Variants in ARHGAP15 observed in about 807,000 individuals in gnomAD.
ARHGAP15 encodes the protein rho GTPase-activating protein 15.
Under a neutral mutation model 63.7 loss-of-function variants are expected in ARHGAP15, and 51 were observed. The ratio of observed to expected loss-of-function variants is 0.80; its 90% CI spans 0.64 to 1.01. The LOEUF is 1.01. Among genes scored for constraint, ARHGAP15 ranks in the 50% least tolerant of loss-of-function variants. The pLI, the probability that ARHGAP15 is intolerant of heterozygous loss-of-function variation, is 0.00. For synonymous variants in ARHGAP15, 191 were observed against 193.8 expected (o/e 0.99, Z 0.12); for missense variants, 560 against 564.6 (o/e 0.99, Z 0.08).
chr2:143,362,044 T>G (rs890256837), intron 6 of ARHGAP15, among the ~76,000 whole-genome samples: 2 of 152,168 alleles, frequency 1.3e-5, no homozygotes, highest in Non-Finnish European at 2.9e-5. Flanking sequence ...AAAGTTTAAG[T>G]TGGTTTTCCA....
At chr2:143,616,407 A>C (rs990101552) in intron 11 of ARHGAP15, among the ~76,000 whole-genome samples, 1 of 152,024 alleles carries the variant, frequency 6.6e-6, no homozygotes, top group African/African-American at 2.4e-5. Flanking sequence ...AGACCGTTCC[A>C]CCTCCTTCCA....
intron 9 of ARHGAP15, among the ~76,000 whole-genome samples, chr2:143,488,970 T>C (rs1325025534): frequency 6.6e-6 from 1 of 152,232 alleles, no homozygotes; most frequent in Non-Finnish European, 1.5e-5. Context: ...TCAACTTCAC[T>C]AAGTAGTATT....
At chr2:143,218,601 T>G (rs146792049) in intron 4 of ARHGAP15, among the ~76,000 whole-genome samples, 1 of 152,318 alleles carries the variant, frequency 6.6e-6, no homozygotes, top group African/African-American at 2.4e-5. Flanking sequence ...ATCATAAACC[T>G]TATTATGTTT....
At chr2:143,569,315 A>G (rs1696362511) in intron 11 of ARHGAP15, among the ~76,000 whole-genome samples, 2 of 152,226 alleles carry the variant, frequency 1.3e-5, no homozygotes, top group Non-Finnish European at 2.9e-5. Context: ...TGGTGTCAAG[A>G]GATACATAAT....
chr2:143,274,688 G>A (rs930149416), intron 6 of ARHGAP15, among the ~76,000 whole-genome samples: 11 of 152,150 alleles, frequency 7.2e-5, no homozygotes, highest in African/African-American at 2.7e-4. Flanking sequence ...ACAACACATC[G>A]TGTTTATAAT....
At chr2:143,475,400 C>T (rs575371572) in intron 8 of ARHGAP15, among the ~76,000 whole-genome samples, 25 of 152,344 alleles carry the variant, frequency 1.6e-4, no homozygotes, top group African/African-American at 5.8e-4. Flanking sequence ...ATCAGTGCTT[C>T]GCACGCACAT....
chr2:143,162,585 T>G (rs547485819), intron 2 of ARHGAP15: 1 of 152,134 alleles, frequency 6.6e-6, no homozygotes, highest in East Asian at 1.9e-4. Flanking sequence ...AAATCTCAGG[T>G]CCCCTGATGT....
At chr2:143,752,754 T>C (rs1034960786) in intron 13 of ARHGAP15, among the ~76,000 whole-genome samples, 13 of 152,150 alleles carry the variant, frequency 8.5e-5, no homozygotes, top group African/African-American at 3.1e-4. Flanking sequence ...CCAAGAAAGC[T>C]TCAGCCAGAC....
intron 13 of ARHGAP15, among the ~76,000 whole-genome samples, chr2:143,738,231 A>G (rs1259733210): frequency 6.6e-6 from 1 of 151,418 alleles, no homozygotes; most frequent in African/African-American, 2.4e-5. Flanking sequence ...CCTTAGAAAC[A>G]GCTCAATCTG....
chr2:143,689,206 C>T (rs1444402399), intron 12 of ARHGAP15, among the ~76,000 whole-genome samples: 1 of 152,126 alleles, frequency 6.6e-6, no homozygotes, highest in Non-Finnish European at 1.5e-5. Flanking sequence ...ATTTGAACTT[C>T]AGTGCAAAAT....
At chr2:143,346,244 A>T (rs1309415145) in intron 6 of ARHGAP15, among the ~76,000 whole-genome samples, 16 of 143,936 alleles carry the variant, frequency 1.1e-4, no homozygotes, top group Admixed American at 4.8e-4. Context: ...TCTCACACAC[A>T]CACACTCACA....
At chr2:143,568,406 T>C (rs1032430680) in intron 11 of ARHGAP15, among the ~76,000 whole-genome samples, 1 of 152,074 alleles carries the variant, frequency 6.6e-6, no homozygotes, top group African/African-American at 2.4e-5. Flanking sequence ...AACAGACATA[T>C]GAAAAAATGC....
rs1450403101 is a variant in ARHGAP15, at chr2:143,497,461, G to T, written c.826+9966G>T. 6.6e-5 allele frequency among the ~76,000 whole-genome samples: 10 copies of T among 152,266 alleles called. No individual in the cohort carries two copies. The East Asian group carries it at 1.7e-3, about 26-fold the overall frequency. On this transcript the variant is annotated intron_variant, in intron 9 of 13. Coordinates refer to ENST00000295095, the MANE Select transcript of ARHGAP15 (RefSeq NM_018460.4). ...GTTCAAAAGAATCCCCTTTTTAAAG[G>T]TTAGCATTTATTATTGATACCCTGC... is the stretch of plus-strand genomic sequence containing the variant.
intron 6 of ARHGAP15, among the ~76,000 whole-genome samples, chr2:143,393,553 G>A (rs953626953): frequency 6.6e-6 from 1 of 151,926 alleles, no homozygotes; most frequent in Admixed American, 6.6e-5. Flanking sequence ...CCAACATGGT[G>A]AAACCCCATC....
rs191375254 is a variant in ARHGAP15, at chr2:143,465,983, A to C, written c.704-21390A>C. 1.8e-3 allele frequency among the ~76,000 whole-genome samples: 274 copies of C among 152,282 alleles called. 2 individuals carry two copies. The highest frequency in any genetic ancestry group is 5.8e-3 in the African/African-American group (241 of 41,580). The stretch of plus-strand genomic sequence containing the variant: ...GATACCCCAGCACTGCCAGTAAACA[A>C]ACGGATGCCTTGAACAGTGATGGTT... On this transcript the variant is annotated intron_variant, in intron 8 of 13. Transcript: ENST00000295095.
chr2:143,373,324 T>G (rs1686647074), intron 6 of ARHGAP15, among the ~76,000 whole-genome samples: 1 of 152,054 alleles, frequency 6.6e-6, no homozygotes, highest in Non-Finnish European at 1.5e-5. Context: ...CCGTCACATT[T>G]GCTATCTCAT....
At chr2:143,660,547 A>C (rs1681707512) in intron 12 of ARHGAP15, among the ~76,000 whole-genome samples, 1 of 152,212 alleles carries the variant, frequency 6.6e-6, no homozygotes, top group Admixed American at 6.5e-5. Flanking sequence ...TAAAATGAAC[A>C]CTTTATGAAT....
chr2:143,603,091 T>G (rs892883193), intron 11 of ARHGAP15, among the ~76,000 whole-genome samples: 1 of 152,194 alleles, frequency 6.6e-6, no homozygotes, highest in South Asian at 2.1e-4. Context: ...TATTCCTTAT[T>G]GATTTTGCCT....
intron 1 of ARHGAP15, among the ~76,000 whole-genome samples, chr2:143,147,125 C>T (rs1422725905): frequency 6.6e-6 from 1 of 152,012 alleles, no homozygotes; most frequent in Non-Finnish European, 1.5e-5. Context: ...TCCCAGGAAA[C>T]TGAGACAATC....
Sources: gnomAD v4.1 joint callset for allele counts (sites outside exome capture counted in the v4.1 genomes callset) on GRCh38, gnomAD v4.1.1 for gene constraint, MANE v1.5 for transcripts, NCBI Gene and HGNC (gene_info 2026-07-23, HGNC 2026-07-21) for gene names.